COLGALT1: variants seen among roughly 807,000 people sequenced by gnomAD.
COLGALT1 encodes the protein collagen beta(1-O)galactosyltransferase 1, also known as procollagen galactosyltransferase 1.
In COLGALT1, 43 loss-of-function variants were observed where a neutral mutation model predicts 60.8. That is an observed-to-expected ratio of 0.71 (90% CI 0.55 to 0.91). COLGALT1 has a LOEUF of 0.91. Ranked by LOEUF, COLGALT1 falls within the 40% of genes least tolerant of loss-of-function variation. COLGALT1 has a pLI of 0.00. For missense variants in COLGALT1, 845 were observed against 880.0 expected (o/e 0.96, Z 0.50); for synonymous variants, 369 against 374.2 (o/e 0.99, Z 0.16).
chr19:17,557,655 G>A (rs1028947318), intron 1 of COLGALT1, among the ~76,000 whole-genome samples: 1 of 152,006 alleles, frequency 6.6e-6, no homozygotes, highest in Non-Finnish European at 1.5e-5. Flanking sequence ...AGGCGGGAGT[G>A]CAGTGGTGCA....
At chr19:17,573,756 C>T (rs2144837340) in intron 6 of COLGALT1, among the ~76,000 whole-genome samples, 1 of 152,016 alleles carries the variant, frequency 6.6e-6, no homozygotes, top group African/African-American at 2.4e-5. Context: ...GTGGGCGGAT[C>T]CCTGGAACCC....
At chr19:17,577,060 G>T in intron 6 of COLGALT1, 135 bp from the exon 7 acceptor site, 1 of 772,154 alleles carries the variant, frequency 1.3e-6, no homozygotes, top group Middle Eastern at 3.3e-4. Context: ...GGGCAGCGCT[G>T]ATGTGGGCGG....
At chr19:17,568,429 G>T in intron 4 of COLGALT1, 80 bp from the exon 5 acceptor site, 1 of 1,283,146 alleles carries the variant, frequency 7.8e-7, no homozygotes, top group Admixed American at 1.7e-5. Context: ...GTCTGGTCCT[G>T]TTTCATGCCG....
intron 3 of COLGALT1, among the ~76,000 whole-genome samples, chr19:17,565,538 C>T (rs754137143): frequency 9.9e-5 from 15 of 151,556 alleles, no homozygotes; most frequent in Non-Finnish European, 1.9e-4. Flanking sequence ...TGGTGGTGCG[C>T]GCCTGTATTT....
chr19:17,568,785 A>G, intron 5 of COLGALT1, 72 bp downstream of exon 5: 2 of 1,486,294 alleles, frequency 1.3e-6, no homozygotes, highest in East Asian at 4.6e-5. Flanking sequence ...AAGCCAGTTC[A>G]GAACACACTG....
chr19:17,579,705 G>C, intron 10 of COLGALT1, 96 bp downstream of exon 10: 1 of 1,440,794 alleles, frequency 6.9e-7, no homozygotes. Context: ...GGGACCTGGG[G>C]ATGGGTCATG....
intron 5 of COLGALT1, among the ~76,000 whole-genome samples, chr19:17,569,459 G>A (rs2076299168): frequency 6.8e-6 from 1 of 147,790 alleles, no homozygotes; most frequent in Admixed American, 6.8e-5. Context: ...TTTTTTTGAA[G>A]TAGAGTCTTG....
In COLGALT1 at chr19:17,560,381, G is replaced by T; in HGVS notation, c.405G>T (p.Trp135Cys). The part of the protein sequence containing the change: ...SYPDEEGPKH[W>C]SDSRYEHVMK... ...CGGACGAGGAAGGCCCGAAACACTG[G>T]TCTGACTCACGCTACGAGCATGTCA... is the stretch of plus-strand genomic sequence containing the variant. The change falls in exon 3 of 12, where the codon TGG becomes TGT. Residue 135 changes from tryptophan to cysteine, a missense_variant. Coordinates refer to ENST00000252599, the MANE Select transcript of COLGALT1 (RefSeq NM_024656.4). 1 of 1,614,106 alleles carries T rather than the reference G, an allele frequency of 6.2e-7. No homozygotes were observed. The highest frequency in any genetic ancestry group is 8.5e-7 in the Non-Finnish European group (1 of 1,180,032).
Position 17,577,423 on chromosome 19 carries a change from G to A in COLGALT1, c.1089G>A (p.Gln363=). Residue 363 remains glutamine, a synonymous_variant, in exon 8 of 12, where the codon CAG becomes CAA. Coordinates refer to ENST00000252599, the MANE Select transcript of COLGALT1 (RefSeq NM_024656.4). ...GGGAGCGCATGCTGCGGGCGCTGCA[G>A]GCACAGGAGATCGAGTGCCGGCTGG... ...DRRERMLRAL[Q]AQEIECRLVE... The A allele has an allele frequency of 1.9e-6, 3 of 1,548,194 alleles. No individual in the cohort carries two copies. Among genetic ancestry groups the A allele is most frequent in the Non-Finnish European group, 2.6e-6 (3 of 1,153,040 alleles).
At position 17,579,377 on chromosome 19, in the gene COLGALT1, T is replaced by C. The variant is rs1029340543; in HGVS notation, c.1267-105T>C. The C allele has an allele frequency of 4.0e-5, 60 of 1,483,660 alleles. No individual in the cohort carries two copies. The Middle Eastern group carries it at 7.2e-4, about 18-fold the overall frequency. The allele number at this position is 1,483,660 out of a possible 1,614,324, so 91.9% of individuals were successfully genotyped here. A position where few individuals can be genotyped will look rare whatever the true frequency, so the allele number is the denominator to read the frequency against. ...AGCTAGGAGAGGCAGGGAGATGCAC[T>C]GGCTTCTCTACGGGTCTTTCAAACC... On this transcript the variant is annotated intron_variant, in intron 9 of 11. Transcript: ENST00000252599.
rs950363174 is a variant in COLGALT1 at position 17,582,945 on chromosome 19, C to T, written c.*1501C>T. On this transcript the variant is annotated 3_prime_UTR_variant, in exon 12 of 12. Transcript: ENST00000252599. Reference sequence around the variant, plus strand: ...GCCTGCTTGATGAAGTTGCTCTGTTCAAGCCTTTGGTGGGATCATGTGTTT... The same window carrying T: ...GCCTGCTTGATGAAGTTGCTCTGTTTAAGCCTTTGGTGGGATCATGTGTTT... The T allele has an allele frequency of 1.3e-5, 2 of 152,506 alleles. No homozygotes were observed. The highest frequency in any genetic ancestry group is 4.8e-5 in the African/African-American group (2 of 41,444). The allele number at this position is 152,506 out of a possible 1,614,324, so 9.4% of individuals were successfully genotyped here.
chr19:17,567,623 C>T (rs2076287365), intron 4 of COLGALT1, 83 bp downstream of exon 4: 3 of 1,447,914 alleles, frequency 2.1e-6, no homozygotes, highest in Admixed American at 2.1e-5. Flanking sequence ...GTCACACAAC[C>T]TCGTGGTGTG....
In COLGALT1 at chr19:17,555,753, C is replaced by T. The variant is rs955092262; in HGVS notation, c.40C>T (p.Pro14Ser). ...ACGCGCGGGCCGGCGGCGCGGGCAG[C>T]CGCTCCTGGCGCTGCTGCTTCTGCT... ...APRAGRRRGQ[P>S]LLALLLLLLA... is the part of the protein sequence containing the mutation. The change falls in exon 1 of 12, where the codon CCG becomes TCG. Residue 14 changes from proline (P) to serine (S), a missense_variant. By Grantham distance (74) the Pro-to-Ser change is moderately conservative. Transcript: ENST00000252599. 69 of 1,214,916 alleles carry T rather than the reference C, an allele frequency of 5.7e-5. No homozygotes were observed. In the African/African-American group the frequency reaches 8.7e-4, roughly 15 times the overall value. 75.3% of individuals were successfully genotyped at this position (1,214,916 alleles called of 1,614,324 possible).
Position 17,579,494 on chromosome 19 carries a change from G to A in COLGALT1, c.1279G>A (p.Gly427Arg), listed in dbSNP as rs560699305. The A allele has an allele frequency of 1.9e-6, 3 of 1,614,142 alleles. No individual in the cohort carries two copies. The East Asian group carries it at 6.7e-5, about 36-fold the overall frequency. ...CTTCCTCCCTCAGGTGGTGGACCGG[G>A]GGCTGCAGAAATCGCTTGTGTTTGA... is the stretch of plus-strand genomic sequence containing the variant. The part of the protein sequence containing the change: ...YNIWKEVVDR[G>R]LQKSLVFEDD... The change falls in exon 10 of 12, where the codon GGG becomes AGG. Residue 427 changes from glycine to arginine, a missense_variant. Gly to Arg is a moderately radical substitution (Grantham distance 125, BLOSUM62 -2). Transcript: ENST00000252599.
chr19:17,555,917 C>T lies in COLGALT1; in HGVS notation c.204C>T (p.Pro68=). ...LLARNAAHAL[P]TTLGALERLR... ...CGCGAAACGCGGCCCACGCGTTGCC[C>T]ACCACGCTGGGCGCACTCGAGCGGC... Residue 68 remains proline, a synonymous_variant, in exon 1 of 12, where the codon CCC becomes CCT. Transcript: ENST00000252599. 7.1e-7 allele frequency: 1 copy of T among 1,399,896 alleles called. No homozygotes were observed. 86.7% of individuals were successfully genotyped at this position (1,399,896 alleles called of 1,614,324 possible). A position where few individuals can be genotyped will look rare whatever the true frequency, so the allele number is the denominator to read the frequency against.
intron 5 of COLGALT1, among the ~76,000 whole-genome samples, chr19:17,570,306 C>T (rs572975828): frequency 5.4e-4 from 82 of 152,228 alleles, no homozygotes; most frequent in African/African-American, 1.8e-3. Context: ...GTGGTGTGAT[C>T]GTAGCTCACT....
chr19:17,569,891 C>CTTT lies in COLGALT1; in HGVS notation c.829+1197_829+1199dup, dbSNP rs71162156. On this transcript the variant is annotated intron_variant, in intron 5 of 11. Coordinates refer to ENST00000252599, the MANE Select transcript of COLGALT1 (RefSeq NM_024656.4). ...CAGGCCAAACCTGGCCCACTAATTA[C>CTTT]TTTTTTTTTTTTTTTTTTTTTGAGA... Among the ~76,000 whole-genome samples the CTTT allele has an allele frequency of 4.3e-3, 421 of 98,644 alleles. 31 individuals are homozygous for CTTT. Among genetic ancestry groups the CTTT allele is most frequent in the South Asian group, 9.3e-3 (28 of 3,004 alleles). 64.7% of individuals were successfully genotyped at this position (98,644 alleles called of 152,430 possible). A position where few individuals can be genotyped will look rare whatever the true frequency, so the allele number is the denominator to read the frequency against.
chr19:17,581,025 G>A lies in COLGALT1; in HGVS notation c.1601+120G>A, dbSNP rs145475968. Reference sequence around the variant, plus strand: ...TCTTCTTTTGCCTACTTCTCCCTCCGTTTGCCCCCTCGCAGATCTGTCTCC... The same window carrying A: ...TCTTCTTTTGCCTACTTCTCCCTCCATTTGCCCCCTCGCAGATCTGTCTCC... On this transcript the variant is annotated intron_variant, in intron 11 of 11. Coordinates refer to ENST00000252599, the MANE Select transcript of COLGALT1 (RefSeq NM_024656.4). The A allele has an allele frequency of 2.1e-3, 2,987 of 1,403,376 alleles. 49 individuals carry two copies. The African/African-American group carries it at 0.038, about 18-fold the overall frequency. The allele number at this position is 1,403,376 out of a possible 1,614,324, so 86.9% of individuals were successfully genotyped here.
intron 6 of COLGALT1, 37 bp downstream of exon 6, chr19:17,572,639 G>A (rs1214050782): frequency 6.2e-7 from 1 of 1,611,464 alleles, no homozygotes; most frequent in East Asian, 2.2e-5. Flanking sequence ...GAGGTGCCAG[G>A]TTGCCTCCCT....
Sources: allele counts gnomAD v4.1 joint callset (sites outside exome capture counted in the v4.1 genomes callset), GRCh38; gene constraint gnomAD v4.1.1; transcripts MANE v1.5; gene names NCBI Gene and HGNC (gene_info 2026-07-23, HGNC 2026-07-21).